ENOX1: variants seen among roughly 807,000 people sequenced by gnomAD.
ENOX1 encodes candidate growth-related and time keeping constitutive hydroquinone (NADH) oxidase.
In ENOX1, 42 loss-of-function variants were observed where a neutral mutation model predicts 82.5. The ratio of observed to expected loss-of-function variants is 0.51; its 90% CI spans 0.40 to 0.66. ENOX1 has a LOEUF of 0.66. Among genes scored for constraint, ENOX1 ranks in the 30% least tolerant of loss-of-function variants. ENOX1 has a pLI of 0.00. For synonymous variants in ENOX1, 271 were observed against 282.2 expected, an observed-to-expected ratio of 0.96 and a Z score of 0.40; for missense variants, 608 against 811.6, an observed-to-expected ratio of 0.75 and a Z score of 3.05.
chr13:43,576,766 T>C (rs75667553), intron 2 of ENOX1, among the ~76,000 whole-genome samples: 1 of 152,310 alleles, frequency 6.6e-6, no homozygotes, highest in East Asian at 1.9e-4. Context: ...ATTACATATA[T>C]AGATCACATA....
chr13:43,473,347 T>C (rs1278728418), intron 3 of ENOX1, among the ~76,000 whole-genome samples: 2 of 152,188 alleles, frequency 1.3e-5, no homozygotes, highest in Non-Finnish European at 1.5e-5. Context: ...CCCTTAACTT[T>C]TCTTTTTTGG....
intron 1 of ENOX1, among the ~76,000 whole-genome samples, chr13:43,673,698 A>G (rs970313071): frequency 3.3e-5 from 5 of 152,218 alleles, no homozygotes; most frequent in African/African-American, 1.2e-4. Flanking sequence ...TTTTTTGATA[A>G]GACTACAGTT....
intron 3 of ENOX1, among the ~76,000 whole-genome samples, chr13:43,447,047 A>G (rs1369074499): frequency 6.6e-6 from 1 of 152,248 alleles, no homozygotes; most frequent in African/African-American, 2.4e-5. Flanking sequence ...TTAATACCAA[A>G]GAAAGAAAAC....
chr13:43,432,679 A>G (rs371780498), intron 3 of ENOX1, among the ~76,000 whole-genome samples: 1 of 152,124 alleles, frequency 6.6e-6, no homozygotes, highest in Non-Finnish European at 1.5e-5. Context: ...AATAGAAAGA[A>G]AGAAAATGAC....
chr13:43,685,143 C>T (rs1422370153), intron 1 of ENOX1, among the ~76,000 whole-genome samples: 1 of 152,182 alleles, frequency 6.6e-6, no homozygotes, highest in African/African-American at 2.4e-5. Flanking sequence ...GAGTCTGCCG[C>T]AGCTTTCAAG....
At chr13:43,434,531 C>T (rs989406910) in intron 3 of ENOX1, among the ~76,000 whole-genome samples, 6 of 152,174 alleles carry the variant, frequency 3.9e-5, no homozygotes, top group South Asian at 2.1e-4. Context: ...CAACCACTTG[C>T]TCCTCTGAAC....
intron 1 of ENOX1, among the ~76,000 whole-genome samples, chr13:43,732,905 C>T (rs1179873224): frequency 6.6e-6 from 1 of 152,202 alleles, no homozygotes; most frequent in Non-Finnish European, 1.5e-5. Context: ...AATGTCAGTG[C>T]CCATGTTGCA....
intron 9 of ENOX1, among the ~76,000 whole-genome samples, chr13:43,333,005 T>C (rs1282898649): frequency 6.6e-6 from 1 of 152,204 alleles, no homozygotes; most frequent in Non-Finnish European, 1.5e-5. Context: ...ACAGTGTGTA[T>C]TTTTCTATGA....
Position 43,549,531 on chromosome 13 carries a change from A to C in ENOX1, c.-218-65379T>G, listed in dbSNP as rs117343994. 4.9e-3 allele frequency among the ~76,000 whole-genome samples: 742 copies of C among 152,346 alleles called. 5 individuals are homozygous for C. The highest frequency in any genetic ancestry group is 0.011 in the Admixed American group (166 of 15,296). On this transcript the variant is annotated intron_variant, in intron 2 of 16. Transcript: ENST00000690772. ...CATCTTCTGACTTCACAAGAATGGAAGTTTTGTATTCTACTATGATCAATA... is the reference window on the plus strand; with the variant it reads ...CATCTTCTGACTTCACAAGAATGGACGTTTTGTATTCTACTATGATCAATA...
chr13:43,525,645 T>C (rs563644831), intron 2 of ENOX1, among the ~76,000 whole-genome samples: 2 of 152,254 alleles, frequency 1.3e-5, no homozygotes, highest in African/African-American at 2.4e-5. Context: ...CCAACACTTA[T>C]TTGGTTTTTT....
chr13:43,445,125 GTT>G (rs71808213), intron 3 of ENOX1, among the ~76,000 whole-genome samples: 5 of 137,808 alleles, frequency 3.6e-5, no homozygotes, highest in African/African-American at 5.3e-5. Flanking sequence ...TTCTTTCTGG[GTT>G]TTTTTTTTTT....
At chr13:43,627,195 A>G (rs1447200410) in intron 2 of ENOX1, among the ~76,000 whole-genome samples, 2 of 151,942 alleles carry the variant, frequency 1.3e-5, no homozygotes. Context: ...TTTCTTGTAG[A>G]TAGCATACAG....
chr13:43,339,134 AC>A (rs1182132660), intron 9 of ENOX1, among the ~76,000 whole-genome samples: 2 of 152,236 alleles, frequency 1.3e-5, no homozygotes, highest in Non-Finnish European at 2.9e-5. Flanking sequence ...AGAACTAAAC[AC>A]CAACAAAGCT....
intron 2 of ENOX1, among the ~76,000 whole-genome samples, chr13:43,561,242 T>C (rs2079653254): frequency 1.3e-5 from 2 of 152,092 alleles, no homozygotes; most frequent in East Asian, 3.9e-4. Context: ...CCGATTAGAC[T>C]CACCCCTGGT....
intron 12 of ENOX1, among the ~76,000 whole-genome samples, chr13:43,284,079 G>A (rs1023166860): frequency 1.3e-5 from 2 of 152,106 alleles, no homozygotes; most frequent in Admixed American, 6.5e-5. Context: ...TTAAGGCCTA[G>A]TATGGGATTA....
chr13:43,267,265 G>GA (rs2044433132), intron 13 of ENOX1, among the ~76,000 whole-genome samples: 1 of 152,214 alleles, frequency 6.6e-6, no homozygotes, highest in African/African-American at 2.4e-5. Context: ...TGAGGTTTGT[G>GA]AACAAGCTCC....
chr13:43,470,185 T>C (rs1353294898), intron 3 of ENOX1, among the ~76,000 whole-genome samples: 1 of 144,786 alleles, frequency 6.9e-6, no homozygotes, highest in East Asian at 2.0e-4. Flanking sequence ...AAACTATATG[T>C]GTGTGTGTAT....
intron 3 of ENOX1, among the ~76,000 whole-genome samples, chr13:43,476,572 G>A (rs921943092): frequency 6.6e-6 from 1 of 152,114 alleles, no homozygotes; most frequent in South Asian, 2.1e-4. Context: ...CTAAAGGCGG[G>A]AAATAACCCC....
intron 1 of ENOX1, among the ~76,000 whole-genome samples, chr13:43,724,812 C>T (rs2088826013): frequency 6.6e-6 from 1 of 152,206 alleles, no homozygotes; most frequent in African/African-American, 2.4e-5. Context: ...TTCCCTTTCT[C>T]CAGTTCTCTC....
Sources: gnomAD v4.1 joint callset for allele counts (sites outside exome capture counted in the v4.1 genomes callset) on GRCh38, gnomAD v4.1.1 for gene constraint, MANE v1.5 for transcripts, NCBI Gene and HGNC (gene_info 2026-07-23, HGNC 2026-07-21) for gene names.